Variants in MSRB3 observed in about 807,000 individuals in gnomAD.
MSRB3 encodes the protein methionine-R-sulfoxide reductase B3.
In MSRB3, 13 loss-of-function variants were observed where a neutral mutation model predicts 21.0. The ratio of observed to expected loss-of-function variants is 0.62; its 90% CI spans 0.40 to 0.98. MSRB3 has a LOEUF of 0.98. MSRB3 is among the 50% of genes least tolerant of loss of function. The pLI, the probability that MSRB3 is intolerant of heterozygous loss-of-function variation, is 0.00. For synonymous variants in MSRB3, 87 were observed against 88.6 expected (o/e 0.98, Z 0.10); for missense variants, 199 against 230.3 (o/e 0.86, Z 0.88).
At chr12:65,303,290 CG>C (rs1873451079) in intron 1 of MSRB3, among the ~76,000 whole-genome samples, 1 of 151,544 alleles carries the variant, frequency 6.6e-6, no homozygotes, top group Non-Finnish European at 1.5e-5. Flanking sequence ...TGTTCAACTA[CG>C]GGGAAAAAAG....
chr12:65,307,854 G>A lies in MSRB3; in HGVS notation c.-51-675G>A, dbSNP rs576790323. On this transcript the variant is annotated intron_variant, in intron 1 of 6. Coordinates refer to ENST00000308259, the MANE Select transcript of MSRB3 (RefSeq NM_001031679.3). ...AATTCATATTTGCCATGCTTTATTCGAACTTAACGCTGTTTTGAAAGTGAA... is the reference window on the plus strand; with the variant it reads ...AATTCATATTTGCCATGCTTTATTCAAACTTAACGCTGTTTTGAAAGTGAA... 6.6e-5 allele frequency among the ~76,000 whole-genome samples: 10 copies of A among 152,002 alleles called. No individual in the cohort carries two copies. The East Asian group carries it at 1.3e-3, about 21-fold the overall frequency.
chr12:65,400,957 A>G (rs1226655127), intron 5 of MSRB3, among the ~76,000 whole-genome samples: 1 of 152,146 alleles, frequency 6.6e-6, no homozygotes, highest in Non-Finnish European at 1.5e-5. Context: ...TGATTGGATT[A>G]CACTGTGGTC....
intron 5 of MSRB3, among the ~76,000 whole-genome samples, chr12:65,404,199 T>C (rs1421098248): frequency 6.6e-6 from 1 of 152,248 alleles, no homozygotes; most frequent in African/African-American, 2.4e-5. Flanking sequence ...CTTCACCTTT[T>C]CAAATAGCTG....
intron 1 of MSRB3, among the ~76,000 whole-genome samples, chr12:65,308,153 C>T (rs898867946): frequency 1.3e-5 from 2 of 152,138 alleles, no homozygotes; most frequent in African/African-American, 4.8e-5. Flanking sequence ...ATAAAACCTA[C>T]CTCCTTGGTT....
intron 2 of MSRB3, among the ~76,000 whole-genome samples, chr12:65,310,667 G>C (rs1873933638): frequency 6.6e-6 from 1 of 152,168 alleles, no homozygotes; most frequent in East Asian, 1.9e-4. Flanking sequence ...TGGATTAAAG[G>C]GTTTCATAAT....
intron 5 of MSRB3, among the ~76,000 whole-genome samples, chr12:65,445,312 A>G (rs1172666928): frequency 6.6e-6 from 1 of 151,532 alleles, no homozygotes; most frequent in Non-Finnish European, 1.5e-5. Context: ...GTTCCCTCTT[A>G]TCCCGAATCC....
At chr12:65,442,852 C>T (rs1422925120) in intron 5 of MSRB3, among the ~76,000 whole-genome samples, 2 of 152,054 alleles carry the variant, frequency 1.3e-5, no homozygotes, top group African/African-American at 2.4e-5. Flanking sequence ...AGGTCTACAA[C>T]TGACTTCTGT....
intron 1 of MSRB3, among the ~76,000 whole-genome samples, chr12:65,298,464 A>C (rs1300995206): frequency 6.6e-6 from 1 of 152,254 alleles, no homozygotes; most frequent in Non-Finnish European, 1.5e-5. Context: ...TTCACGAAGA[A>C]AAACAGTATA....
intron 5 of MSRB3, among the ~76,000 whole-genome samples, chr12:65,369,974 C>G (rs1190123390): frequency 6.6e-6 from 1 of 152,124 alleles, no homozygotes. Flanking sequence ...AGACAACACA[C>G]TTTTTCTTCT....
chr12:65,353,893 C>T (rs1467868461), intron 4 of MSRB3, among the ~76,000 whole-genome samples: 2 of 151,936 alleles, frequency 1.3e-5, no homozygotes, highest in Middle Eastern at 3.2e-3. Flanking sequence ...TTAGTGCTTC[C>T]TTCAGGAGCT....
At chr12:65,460,393 CCTT>C (rs1883271569) in intron 6 of MSRB3, among the ~76,000 whole-genome samples, 2 of 141,512 alleles carry the variant, frequency 1.4e-5, no homozygotes, top group Non-Finnish European at 1.5e-5. Flanking sequence ...GGGTAACAGT[CCTT>C]TCTGGGAGAC....
chr12:65,364,552 C>T (rs538664084), intron 4 of MSRB3, among the ~76,000 whole-genome samples: 2 of 152,260 alleles, frequency 1.3e-5, no homozygotes, highest in Non-Finnish European at 1.5e-5. Flanking sequence ...GCATAGTATA[C>T]TACTAAAAAT....
intron 5 of MSRB3, among the ~76,000 whole-genome samples, chr12:65,376,153 T>A (rs1463760335): frequency 4.8e-5 from 7 of 144,610 alleles, no homozygotes; most frequent in Non-Finnish European, 1.0e-4. Context: ...GGAGTCTCGC[T>A]CTTTCGCCCA....
intron 5 of MSRB3, among the ~76,000 whole-genome samples, chr12:65,442,649 A>T (rs1882436381): frequency 6.6e-6 from 1 of 152,128 alleles, no homozygotes. Context: ...TTCCTAATGG[A>T]TGCCTCACTG....
chr12:65,357,598 T>G (rs765232731), intron 4 of MSRB3, among the ~76,000 whole-genome samples: 2 of 151,958 alleles, frequency 1.3e-5, no homozygotes, highest in Non-Finnish European at 2.9e-5. Flanking sequence ...TGTTCCAGGA[T>G]TCTATCCAGG....
intron 5 of MSRB3, among the ~76,000 whole-genome samples, chr12:65,379,110 G>A (rs1447507056): frequency 6.6e-6 from 1 of 152,086 alleles, no homozygotes; most frequent in Non-Finnish European, 1.5e-5. Context: ...GGATGGTCCT[G>A]GCTAGTGAGA....
intron 4 of MSRB3, among the ~76,000 whole-genome samples, chr12:65,349,954 T>C (rs1325486400): frequency 6.6e-6 from 1 of 152,066 alleles, no homozygotes; most frequent in Non-Finnish European, 1.5e-5. Context: ...TTGCCATTGC[T>C]TTTGGTGTTT....
At chr12:65,340,546 C>T (rs557049377) in intron 4 of MSRB3, among the ~76,000 whole-genome samples, 7 of 151,964 alleles carry the variant, frequency 4.6e-5, no homozygotes, top group Non-Finnish European at 1.0e-4. Flanking sequence ...TATTATATCA[C>T]ACTGCTAAAA....
At chr12:65,309,230 G>C (rs1873838990) in intron 2 of MSRB3, among the ~76,000 whole-genome samples, 1 of 152,146 alleles carries the variant, frequency 6.6e-6, no homozygotes, top group South Asian at 2.1e-4. Context: ...GTGATTTTAA[G>C]AATTTAAATA....
Sources: allele counts gnomAD v4.1 joint callset (sites outside exome capture counted in the v4.1 genomes callset), GRCh38; gene constraint gnomAD v4.1.1; transcripts MANE v1.5; gene names NCBI Gene and HGNC (gene_info 2026-07-23, HGNC 2026-07-21).